TNKS: variants seen among roughly 807,000 people sequenced by gnomAD.
The protein encoded by TNKS is poly [ADP-ribose] polymerase tankyrase-1.
TNKS carries 72 observed loss-of-function variants against 135.8 expected under a neutral mutation model. The observed-to-expected ratio is 0.53, with a 90% confidence interval of 0.44 to 0.64. The LOEUF is 0.64. Ranked by LOEUF, TNKS falls within the 30% of genes least tolerant of loss-of-function variation. TNKS has a pLI of 0.00. For synonymous variants in TNKS, 849 were observed against 649.3 expected, an observed-to-expected ratio of 1.31 and a Z score of -4.68; for missense variants, 1,769 against 1,674.0, an observed-to-expected ratio of 1.06 and a Z score of -0.99.
At chr8:9,556,714 G>A in intron 1 of TNKS, 102 bp downstream of exon 1, 1 of 1,389,380 alleles carries the variant, frequency 7.2e-7, no homozygotes, top group Non-Finnish European at 9.9e-7. Flanking sequence ...GTGGGGGCGT[G>A]GTTATGGTTC....
intron 26 of TNKS, among the ~76,000 whole-genome samples, chr8:9,774,033 G>C (rs749975770): frequency 6.6e-6 from 1 of 152,104 alleles, no homozygotes; most frequent in African/African-American, 2.4e-5. Flanking sequence ...TTCGTTATTG[G>C]TGGGAATGTT....
chr8:9,673,140 A>G (rs1458278555), intron 3 of TNKS, among the ~76,000 whole-genome samples: 1 of 152,176 alleles, frequency 6.6e-6, no homozygotes, highest in Non-Finnish European at 1.5e-5. Flanking sequence ...AGAAACAAGT[A>G]CAAATGATTG....
At chr8:9,603,093 C>T (rs1799079244) in intron 2 of TNKS, among the ~76,000 whole-genome samples, 1 of 151,978 alleles carries the variant, frequency 6.6e-6, no homozygotes, top group Admixed American at 6.6e-5. Context: ...CGCTTTATCG[C>T]CCAGGCTGGA....
rs149183384 is a variant in TNKS at position 9,631,922 on chromosome 8, A to C, written c.994+16245A>C. ...AAACCGTATGGGGAAAGAGGAGATT[A>C]ACATTGGCTGGTATCTTCAAAAGTA... is the stretch of plus-strand genomic sequence containing the variant. On this transcript the variant is annotated intron_variant, in intron 3 of 26. Transcript: ENST00000310430. Among the ~76,000 whole-genome samples, 6 of 152,200 alleles carry C rather than the reference A, an allele frequency of 3.9e-5. No individual in the cohort carries two copies. The East Asian group carries it at 1.2e-3, about 29-fold the overall frequency.
At chr8:9,657,268 TC>T (rs1801428971) in intron 3 of TNKS, among the ~76,000 whole-genome samples, 1 of 106,420 alleles carries the variant, frequency 9.4e-6, no homozygotes, top group Non-Finnish European at 2.1e-5. Context: ...CCCACCTCCC[TC>T]CCGGACGGGG....
chr8:9,713,420 G>T (rs1392740836), intron 11 of TNKS, among the ~76,000 whole-genome samples: 6 of 152,228 alleles, frequency 3.9e-5, no homozygotes, highest in East Asian at 1.9e-4. Context: ...GTTTATAAAG[G>T]TTCAATGGAA....
At chr8:9,568,497 A>C (rs1797635022) in intron 1 of TNKS, among the ~76,000 whole-genome samples, 1 of 152,180 alleles carries the variant, frequency 6.6e-6, no homozygotes, top group South Asian at 2.1e-4. Flanking sequence ...AAATGAATAT[A>C]ATATTAGAAA....
chr8:9,666,590 C>T (rs1222127898), intron 3 of TNKS, among the ~76,000 whole-genome samples: 1 of 151,964 alleles, frequency 6.6e-6, no homozygotes, highest in East Asian at 1.9e-4. Context: ...TGTGGTGGCT[C>T]ACGCCTGTAG....
At chr8:9,580,506 C>A in intron 2 of TNKS, 123 bp downstream of exon 2, 1 of 822,644 alleles carries the variant, frequency 1.2e-6, no homozygotes, top group Non-Finnish European at 1.9e-6. Flanking sequence ...AGAAGCAGTT[C>A]TTTTCCATCA....
At chr8:9,574,950 G>T in intron 1 of TNKS, 1 of 746,206 alleles carries the variant, frequency 1.3e-6, no homozygotes, top group Non-Finnish European at 1.6e-6. Context: ...TCTTGTGACT[G>T]TGAGGTAAGA....
chr8:9,734,757 A>C lies in TNKS; in HGVS notation c.2314-108A>C, dbSNP rs1563199248. ...GTGTTTTTCAAAATGCATATAGAGT[A>C]GATATCTTCCCCAGAGGAACAAAGG... On this transcript the variant is annotated intron_variant, in intron 15 of 26. Coordinates refer to ENST00000310430, the MANE Select transcript of TNKS (RefSeq NM_003747.3). 3.3e-6 allele frequency: 3 copies of C among 916,106 alleles called. No individual in the cohort carries two copies. In the East Asian group the frequency reaches 7.8e-5, roughly 24 times the overall value. The allele number at this position is 916,106 out of a possible 1,614,324, so 56.7% of individuals were successfully genotyped here. A position where few individuals can be genotyped will look rare whatever the true frequency, so the allele number is the denominator to read the frequency against.
At chr8:9,698,426 TAAATA>T in intron 5 of TNKS, among the ~76,000 whole-genome samples, 1 of 148,326 alleles carries the variant, frequency 6.7e-6, no homozygotes, top group Non-Finnish European at 1.5e-5. Context: ...AAGATGATGA[TAAATA>T]ATAACTATCA....
At chr8:9,612,221 A>C (rs548289660) in intron 2 of TNKS, among the ~76,000 whole-genome samples, 3 of 152,152 alleles carry the variant, frequency 2.0e-5, no homozygotes, top group East Asian at 1.9e-4. Context: ...TCCCCAATGC[A>C]TGACAGATCA....
At chr8:9,686,714 A>T (rs969867205) in intron 5 of TNKS, among the ~76,000 whole-genome samples, 7 of 152,206 alleles carry the variant, frequency 4.6e-5, no homozygotes, top group Admixed American at 3.3e-4. Context: ...TTGAAATGCA[A>T]AAACATAATT....
At chr8:9,637,032 G>A (rs1326055224) in intron 3 of TNKS, among the ~76,000 whole-genome samples, 3 of 152,192 alleles carry the variant, frequency 2.0e-5, no homozygotes, top group African/African-American at 7.2e-5. Context: ...TGAATTGACA[G>A]CTTGAGTGGA....
In TNKS at chr8:9,555,944, C is replaced by G; in HGVS notation, c.5C>G (p.Ala2Gly). 6.2e-7 allele frequency: 1 copy of G among 1,609,464 alleles called. No homozygotes were observed. The highest frequency in any genetic ancestry group is 1.3e-5 in the African/African-American group (1 of 74,946). Reference protein sequence around the residue: MAASRRSQHHHH... With the variant: MGASRRSQHHHH... The stretch of plus-strand genomic sequence containing the variant: ...CAGTGCTAGGGGAGTCCGAAGATGG[C>G]GGCGTCGCGTCGCTCTCAGCATCAT... Residue 2 changes from alanine (A) to glycine (G), a missense_variant, in exon 1 of 27, where the codon GCG becomes GGG. Physicochemically the swap from Ala to Gly is moderately conservative, Grantham distance 60. Transcript: ENST00000310430.
At position 9,780,531 on chromosome 8, in the gene TNKS, C is replaced by G. The variant is rs1274662097; in HGVS notation, c.*3795C>G. 2 of 152,182 alleles carry G rather than the reference C, an allele frequency of 1.3e-5. No homozygotes were observed. Among genetic ancestry groups the G allele is most frequent in the Non-Finnish European group, 2.9e-5 (2 of 68,046 alleles). The allele number at this position is 152,182 out of a possible 1,614,324, so 9.4% of individuals were successfully genotyped here. ...TGAAAGTGATGTTTGAGCTATTGTACACATCTAGCATATGGAAAGCAAATG... is the reference window on the plus strand; with the variant it reads ...TGAAAGTGATGTTTGAGCTATTGTAGACATCTAGCATATGGAAAGCAAATG... On this transcript the variant is annotated 3_prime_UTR_variant, in exon 27 of 27. Coordinates refer to ENST00000310430, the MANE Select transcript of TNKS (RefSeq NM_003747.3).
At chr8:9,570,779 C>T (rs932633340) in intron 1 of TNKS, among the ~76,000 whole-genome samples, 1 of 152,154 alleles carries the variant, frequency 6.6e-6, no homozygotes, top group Non-Finnish European at 1.5e-5. Flanking sequence ...GGGTCATTCT[C>T]AGGGTATGCT....
At chr8:9,750,426 C>T (rs891377908) in intron 18 of TNKS, among the ~76,000 whole-genome samples, 7 of 152,200 alleles carry the variant, frequency 4.6e-5, no homozygotes, top group Admixed American at 2.0e-4. Flanking sequence ...GTCCAGTTGA[C>T]AAGGCAGAAT....
Sources: gnomAD v4.1 joint callset for allele counts (sites outside exome capture counted in the v4.1 genomes callset) on GRCh38, gnomAD v4.1.1 for gene constraint, MANE v1.5 for transcripts, NCBI Gene and HGNC (gene_info 2026-07-23, HGNC 2026-07-21) for gene names.